Variants in CD226 observed in about 807,000 individuals in gnomAD.
CD226 encodes the protein CD226 antigen.
In CD226, 24 loss-of-function variants were observed where a neutral mutation model predicts 34.9. That is an observed-to-expected ratio of 0.69 (90% confidence interval 0.50 to 0.97). The LOEUF (loss-of-function observed/expected upper bound fraction) is 0.97, where lower values mean the gene tolerates loss of function less well. Ranked by LOEUF, CD226 falls within the 50% of genes least tolerant of loss-of-function variation. CD226 has a pLI of 0.00. For synonymous variants in CD226, 148 were observed against 147.4 expected (o/e 1.00, Z -0.03); for missense variants, 397 against 412.7 (o/e 0.96, Z 0.33).
chr18:69,871,662 TG>T (rs1983529928), intron 4 of CD226, among the ~76,000 whole-genome samples: 1 of 152,194 alleles, frequency 6.6e-6, no homozygotes, highest in South Asian at 2.1e-4. Context: ...CAGCCAAATG[TG>T]GGGAAACAGC....
intron 2 of CD226, among the ~76,000 whole-genome samples, chr18:69,906,602 C>G (rs141843231): frequency 6.6e-6 from 1 of 152,190 alleles, no homozygotes; most frequent in Non-Finnish European, 1.5e-5. Flanking sequence ...TGAATATGAG[C>G]CCTATTTTGC....
chr18:69,946,565 C>T (rs538321052), intron 2 of CD226, among the ~76,000 whole-genome samples, 169 bp downstream of exon 2: 209 of 152,302 alleles, frequency 1.4e-3, no homozygotes, highest in Non-Finnish European at 1.5e-3. Flanking sequence ...ATGAAACAGA[C>T]TCCCAAGATT....
At chr18:69,933,599 C>A (rs2055615329) in intron 2 of CD226, among the ~76,000 whole-genome samples, 3 of 152,222 alleles carry the variant, frequency 2.0e-5, no homozygotes, top group African/African-American at 7.2e-5. Context: ...TATAGGCATA[C>A]ATTCTTTCTT....
intron 2 of CD226, among the ~76,000 whole-genome samples, chr18:69,931,164 T>C (rs1244261061): frequency 6.6e-6 from 1 of 151,660 alleles, no homozygotes; most frequent in African/African-American, 2.4e-5. Flanking sequence ...TTCTCACTCA[T>C]AGGTGGGAAT....
intron 2 of CD226, among the ~76,000 whole-genome samples, chr18:69,916,605 A>G (rs993404904): frequency 2.0e-5 from 3 of 152,210 alleles, no homozygotes; most frequent in African/African-American, 7.2e-5. Flanking sequence ...GCATCAAACC[A>G]CACAATATTT....
chr18:69,917,813 CCTGT>C (rs1229302472), intron 2 of CD226, among the ~76,000 whole-genome samples: 1 of 152,140 alleles, frequency 6.6e-6, no homozygotes, highest in Non-Finnish European at 1.5e-5. Flanking sequence ...GATTGAGTCT[CCTGT>C]CTAATACTTA....
intron 2 of CD226, among the ~76,000 whole-genome samples, chr18:69,939,323 T>C (rs1167050039): frequency 6.6e-6 from 1 of 152,226 alleles, no homozygotes; most frequent in Non-Finnish European, 1.5e-5. Flanking sequence ...ATTATGCATA[T>C]TTCTAAAACC....
At chr18:69,910,749 A>G (rs2055314038) in intron 2 of CD226, among the ~76,000 whole-genome samples, 1 of 152,228 alleles carries the variant, frequency 6.6e-6, no homozygotes, top group African/African-American at 2.4e-5. Flanking sequence ...GAGACTGGAT[A>G]AGGGGTATAT....
At position 69,946,763 on chromosome 18, in the gene CD226, C is replaced by T; in HGVS notation, c.353G>A (p.Trp118Ter). 6.2e-7 allele frequency: 1 copy of T among 1,613,136 alleles called. No homozygotes were observed. Among genetic ancestry groups the T allele is most frequent in the Non-Finnish European group, 8.5e-7 (1 of 1,179,758 alleles). The change falls in exon 2 of 6, where the codon TGG becomes TAG. Residue 118 changes from tryptophan to a stop codon, truncating the protein, a stop_gained. Transcript: ENST00000582621. LOFTEE classifies it high-confidence loss of function. ...CSLYTYPQGT[W>*]QKVIQVVQSD... ...CTGAACCACCTGTATCACCTTCTGC[C>T]AAGTTCCCTGTGGGTAAGTGTAAAG... is the stretch of plus-strand genomic sequence containing the variant.
At chr18:69,880,357 A>AAAGGAAGGAAGGAAGGAAGGAAGGAAGG (rs74177539) in intron 3 of CD226, among the ~76,000 whole-genome samples, 1 of 89,532 alleles carries the variant, frequency 1.1e-5, no homozygotes, top group African/African-American at 3.7e-5. Context: ...AGAAAGAAAG[A>AAAGGAAGGAAGGAAGGAAGGAAGGAAGG]AAGGAAGGAA....
rs1035530639 is a variant in CD226 at position 69,863,502 on chromosome 18, T to C, written c.*812A>G. Reference sequence around the variant, plus strand: ...CTCTCGCATTTATCTTCCTCTTGAATATTCATTTCTTCTACTGCCAGGTAT... The same window carrying C: ...CTCTCGCATTTATCTTCCTCTTGAACATTCATTTCTTCTACTGCCAGGTAT... On this transcript the variant is annotated 3_prime_UTR_variant, in exon 6 of 6. Coordinates refer to ENST00000582621, the MANE Select transcript of CD226 (RefSeq NM_001303618.2). The C allele has an allele frequency of 6.6e-6, 1 of 152,186 alleles. No individual in the cohort carries two copies. The highest frequency in any genetic ancestry group is 1.5e-5 in the Non-Finnish European group (1 of 68,026). The allele number at this position is 152,186 out of a possible 1,614,324, so 9.4% of individuals were successfully genotyped here.
At position 69,859,677 on chromosome 18, in the gene CD226, T is replaced by G. The variant is rs564709506; in HGVS notation, c.*4637A>C. 6.6e-6 allele frequency: 1 copy of G among 151,898 alleles called. No homozygotes were observed. Among genetic ancestry groups the G allele is most frequent in the African/African-American group, 2.4e-5 (1 of 41,458 alleles). 9.4% of individuals were successfully genotyped at this position (151,898 alleles called of 1,614,324 possible). On this transcript the variant is annotated 3_prime_UTR_variant, in exon 6 of 6. Transcript: ENST00000582621. ...ATTTGTTGTCTCAAGGTAACAAAAATGAGGAAGGGCAAGGGACTACTATGT... is the reference window on the plus strand; with the variant it reads ...ATTTGTTGTCTCAAGGTAACAAAAAGGAGGAAGGGCAAGGGACTACTATGT...
intron 2 of CD226, among the ~76,000 whole-genome samples, chr18:69,927,409 T>C (rs1052840688): frequency 3.3e-5 from 5 of 151,296 alleles, no homozygotes; most frequent in African/African-American, 1.2e-4. Flanking sequence ...CACACACATA[T>C]ACCATCTTAG....
upstream of CD226, among the ~76,000 whole-genome samples, chr18:69,961,114 T>C (rs926108104): frequency 2.6e-5 from 4 of 152,252 alleles, no homozygotes; most frequent in Admixed American, 1.3e-4. Context: ...AGTAGCTTTA[T>C]TGTATATCCT....
intron 2 of CD226, among the ~76,000 whole-genome samples, chr18:69,901,796 G>A (rs529997624): frequency 3.6e-4 from 54 of 151,754 alleles, no homozygotes; most frequent in Non-Finnish European, 4.0e-4. Flanking sequence ...GAAGAATGGC[G>A]TGAACCCGGG....
chr18:69,896,283 G>A (rs1177540085), intron 2 of CD226: 4 of 374,240 alleles, frequency 1.1e-5, no homozygotes, highest in African/African-American at 2.2e-5. Context: ...CCAGGTTCAC[G>A]CCATTCTCCT....
intron 3 of CD226, among the ~76,000 whole-genome samples, chr18:69,875,981 T>C (rs1416457591): frequency 1.3e-5 from 2 of 152,198 alleles, no homozygotes; most frequent in African/African-American, 2.4e-5. Context: ...CTATACAGTA[T>C]GGATGGTGAT....
upstream of CD226, among the ~76,000 whole-genome samples, chr18:69,949,540 C>T (rs2145374000): frequency 6.6e-6 from 1 of 152,250 alleles, no homozygotes; most frequent in Middle Eastern, 3.4e-3. Flanking sequence ...CTAAGTACTC[C>T]TCCTGCATTC....
At chr18:69,928,694 A>G (rs12964730) in intron 2 of CD226, among the ~76,000 whole-genome samples, 115,842 of 151,872 alleles carry the variant, frequency 0.76, 51,354 homozygotes, top group East Asian at 1. Flanking sequence ...TCTGAAATCT[A>G]AAATGCTCCA....
Sources: allele counts gnomAD v4.1 joint callset (sites outside exome capture counted in the v4.1 genomes callset), GRCh38; gene constraint gnomAD v4.1.1; transcripts MANE v1.5; gene names NCBI Gene and HGNC (gene_info 2026-07-23, HGNC 2026-07-21).